The following LUC7L variants were observed in gnomAD, a reference collection of about 807,000 sequenced individuals.
The protein encoded by LUC7L is putative RNA-binding protein Luc7-like 1.
In LUC7L, 29 loss-of-function variants were observed where a neutral mutation model predicts 51.1. That is an observed-to-expected ratio of 0.57 (90% confidence interval 0.42 to 0.77). The LOEUF is 0.77. Among genes scored for constraint, LUC7L ranks in the 30% least tolerant of loss-of-function variants. LUC7L has a pLI of 0.00. For synonymous variants in LUC7L, 181 were observed against 180.7 expected (o/e 1.00, Z -0.01); for missense variants, 403 against 511.9 (o/e 0.79, Z 2.05).
chr16:214,652 G>A (rs1002784981), intron 3 of LUC7L, among the ~76,000 whole-genome samples: 1 of 152,062 alleles, frequency 6.6e-6, no homozygotes, highest in African/African-American at 2.4e-5. Flanking sequence ...TCAGCCCCTC[G>A]AGTAGCTGGG....
rs1243034074 is a variant in LUC7L at position 206,074 on chromosome 16, C to T, written c.440G>A (p.Gly147Asp). ...LAKAEQLGAE[G>D]NVDESQKILM... ...AATCTTCTGGGATTCATCCACATTA[C>T]CTTCAGCCCCTAGCTGTTCGGCTTT... The change falls in exon 5 of 10, where the codon GGT (glycine) becomes GAT (aspartate). Residue 147 changes from glycine (G) to aspartate (D), a missense_variant. Gly to Asp is a moderately conservative substitution (Grantham distance 94, BLOSUM62 -1). Transcript: ENST00000293872. 3.7e-6 allele frequency: 6 copies of T among 1,613,816 alleles called. No homozygotes were observed. Among genetic ancestry groups the T allele is most frequent in the East Asian group, 2.2e-5 (1 of 44,876 alleles).
intron 5 of LUC7L, among the ~76,000 whole-genome samples, chr16:204,658 T>G: frequency 6.6e-6 from 1 of 152,160 alleles, no homozygotes; most frequent in Admixed American, 6.6e-5. Flanking sequence ...AGTACTGTGC[T>G]GTACTGATCA....
intron 3 of LUC7L, among the ~76,000 whole-genome samples, chr16:219,272 C>A (rs931845055): frequency 3.3e-5 from 5 of 151,960 alleles, no homozygotes; most frequent in African/African-American, 1.2e-4. Flanking sequence ...GCCTGTCATC[C>A]CAGCTACTTG....
In LUC7L at chr16:210,002, T is replaced by C. The variant is rs539721572; in HGVS notation, c.256-1814A>G. 1.1e-3 allele frequency among the ~76,000 whole-genome samples: 175 copies of C among 152,290 alleles called. 1 individual carries two copies. In the South Asian group the frequency reaches 0.013, roughly 11 times the overall value. On this transcript the variant is annotated intron_variant, in intron 3 of 9. Transcript: ENST00000293872. ...ATAATTTTGGAATTCAAAAACTGCC[T>C]CTTGGCCAGGCGTGGTAGCTCACGC...
chr16:220,557 T>C (rs368222951), intron 3 of LUC7L, 92 bp downstream of exon 3: 23 of 925,240 alleles, frequency 2.5e-5, no homozygotes, highest in East Asian at 1.7e-4. Context: ...CCTTATTATT[T>C]TGCTTCATAA....
intron 5 of LUC7L, among the ~76,000 whole-genome samples, chr16:204,855 T>G (rs1198622791): frequency 1.3e-5 from 2 of 152,170 alleles, no homozygotes; most frequent in Non-Finnish European, 2.9e-5. Context: ...CCTATGGCAT[T>G]ACTCAAAGTT....
intron 3 of LUC7L, among the ~76,000 whole-genome samples, chr16:219,508 C>T (rs2049905466): frequency 6.6e-6 from 1 of 152,128 alleles, no homozygotes; most frequent in Non-Finnish European, 1.5e-5. Flanking sequence ...CTGAGCCCAG[C>T]AATTCACTTA....
intron 6 of LUC7L, among the ~76,000 whole-genome samples, chr16:193,369 T>C (rs2049062025): frequency 6.6e-6 from 1 of 151,648 alleles, no homozygotes; most frequent in Non-Finnish European, 1.5e-5. Flanking sequence ...ATGGTCTTGA[T>C]CTCTTGACCT....
intron 3 of LUC7L, among the ~76,000 whole-genome samples, chr16:217,049 G>C (rs2049823240): frequency 6.6e-6 from 1 of 151,846 alleles, no homozygotes; most frequent in Non-Finnish European, 1.5e-5. Context: ...GTTTCGCTCT[G>C]TCACCCAAGT....
chr16:195,194 T>C (rs2049116654), intron 6 of LUC7L, among the ~76,000 whole-genome samples: 1 of 151,436 alleles, frequency 6.6e-6, no homozygotes. Flanking sequence ...GAGGCTGAAC[T>C]GGGAGGATCA....
At chr16:205,876 A>T in intron 5 of LUC7L, 128 bp downstream of exon 5, 1 of 1,096,540 alleles carries the variant, frequency 9.1e-7, no homozygotes, top group Non-Finnish European at 1.3e-6. Flanking sequence ...GGCGTGAGCC[A>T]CTGTGCTGGG....
At chr16:227,139 AAAAG>A in intron 2 of LUC7L, 99 bp downstream of exon 2, 1 of 882,782 alleles carries the variant, frequency 1.1e-6, no homozygotes, top group South Asian at 1.5e-5. Context: ...CACTTAGAGA[AAAAG>A]AGACTTAAGT....
intron 9 of LUC7L, chr16:189,657 A>G: frequency 7.6e-7 from 1 of 1,321,380 alleles, no homozygotes; most frequent in Non-Finnish European, 9.6e-7. Flanking sequence ...AAAAACAAAA[A>G]CCAAAACAGA....
chr16:224,378 G>C (rs1007960711), intron 2 of LUC7L, among the ~76,000 whole-genome samples: 3 of 151,116 alleles, frequency 2.0e-5, no homozygotes, highest in Non-Finnish European at 2.9e-5. Context: ...AATTAGCCGG[G>C]TGTGGTAGCG....
intron 1 of LUC7L, chr16:228,667 G>A (rs1219965060): frequency 8.5e-7 from 1 of 1,182,978 alleles, no homozygotes; most frequent in Non-Finnish European, 1.1e-6. Flanking sequence ...CAACCATCAT[G>A]ATCTTGAGCT....
chr16:189,168 C>CAA lies in LUC7L; in HGVS notation c.*29_*30insTT. 1 of 1,591,712 alleles carries CAA rather than the reference C, an allele frequency of 6.3e-7. No homozygotes were observed. Among genetic ancestry groups the CAA allele is most frequent in the Non-Finnish European group, 8.6e-7 (1 of 1,165,308 alleles). On this transcript the variant is annotated 3_prime_UTR_variant, in exon 10 of 10. Transcript: ENST00000293872. ...AATTTTAGACTGTGTGAACGTTTAT[C>CAA]AGACTATTTACAGCACCCGGGAGAC...
chr16:193,011 G>A lies in LUC7L; in HGVS notation c.692C>T (p.Thr231Ile). ...IREKLDQLRK[T>I]VAEKQEKRNQ... ...TCTCTTCTCCTGCTTTTCAGCGACA[G>A]TTTTCTAAATAAATGAAACAAAAAA... Residue 231 changes from threonine to isoleucine, a missense_variant, in exon 7 of 10, where the codon ACT becomes ATT. Thr to Ile is a moderately conservative substitution (Grantham distance 89, BLOSUM62 -1). Around this residue, in one of 3 missense-constraint regions of LUC7L, gnomAD observed 206 missense variants for 218.3 expected, o/e 0.94. Coordinates refer to ENST00000293872, the MANE Select transcript of LUC7L (RefSeq NM_201412.3). 6.2e-7 allele frequency: 1 copy of A among 1,612,276 alleles called. No homozygotes were observed. The highest frequency in any genetic ancestry group is 2.2e-5 in the East Asian group (1 of 44,874).
chr16:217,384 T>C (rs1317229166), intron 3 of LUC7L, among the ~76,000 whole-genome samples: 2 of 151,962 alleles, frequency 1.3e-5, no homozygotes, highest in Non-Finnish European at 2.9e-5. Context: ...ACCCCCCAAA[T>C]ATATACACCT....
At chr16:222,329 GAAAA>G (rs35172319) in intron 2 of LUC7L, among the ~76,000 whole-genome samples, 1 of 115,890 alleles carries the variant, frequency 8.6e-6, no homozygotes, top group Admixed American at 9.0e-5. Context: ...TACATAACCA[GAAAA>G]AAAAAAAAAA....
Sources: allele counts gnomAD v4.1 joint callset (sites outside exome capture counted in the v4.1 genomes callset), GRCh38; gene constraint gnomAD v4.1.1; regional missense constraint gnomAD v4.1.1; transcripts MANE v1.5; gene names NCBI Gene and HGNC (gene_info 2026-07-23, HGNC 2026-07-21).